The following UBR3 variants were observed in gnomAD, a reference collection of about 807,000 sequenced individuals.
UBR3 encodes ubiquitin protein ligase E3 component n-recognin 3.
In UBR3, 85 loss-of-function variants were observed where a neutral mutation model predicts 243.2. That is an observed-to-expected ratio of 0.35 (90% CI 0.29 to 0.42). The LOEUF (loss-of-function observed/expected upper bound fraction) is 0.42, where lower values mean the gene tolerates loss of function less well. Among genes scored for constraint, UBR3 ranks in the 10% least tolerant of loss-of-function variants. The pLI is 1.00. For synonymous variants in UBR3, 748 were observed against 799.8 expected (o/e 0.94, Z 1.09); for missense variants, 1,686 against 2,300.8 (o/e 0.73, Z 5.47).
chr2:169,840,375 C>T (rs529242829), intron 1 of UBR3, among the ~76,000 whole-genome samples: 31 of 152,300 alleles, frequency 2.0e-4, no homozygotes, highest in South Asian at 6.2e-4. Flanking sequence ...ACTAAAGTGG[C>T]GGTATCTGAC....
At chr2:169,830,428 A>T (rs1001855150) in intron 1 of UBR3, among the ~76,000 whole-genome samples, 3 of 152,094 alleles carry the variant, frequency 2.0e-5, no homozygotes, top group African/African-American at 7.2e-5. Context: ...GTTTTATGTG[A>T]TTTAACTTAT....
At chr2:169,891,056 T>C (rs2084355851) in intron 5 of UBR3, 109 bp from the exon 6 acceptor site, 1 of 625,218 alleles carries the variant, frequency 1.6e-6, no homozygotes, top group African/African-American at 1.8e-5. Flanking sequence ...TGATTAGTAG[T>C]ATGTAAGCAT....
At chr2:170,020,588 A>G (rs2090363052) in intron 30 of UBR3, among the ~76,000 whole-genome samples, 1 of 152,208 alleles carries the variant, frequency 6.6e-6, no homozygotes, top group Non-Finnish European at 1.5e-5. Flanking sequence ...GTTACATGCA[A>G]AGCTCAAATC....
intron 5 of UBR3, among the ~76,000 whole-genome samples, chr2:169,885,754 TTCTTG>T (rs2084069401): frequency 6.6e-6 from 1 of 151,734 alleles, no homozygotes; most frequent in South Asian, 2.1e-4. Flanking sequence ...GCTTTGAATA[TTCTTG>T]TCTTTATTCA....
intron 30 of UBR3, among the ~76,000 whole-genome samples, chr2:170,028,685 T>TA (rs1293927460): frequency 1.4e-4 from 4 of 27,768 alleles, no homozygotes; most frequent in Admixed American, 5.6e-4. Flanking sequence ...AAGCAATACT[T>TA]AGGGTTTTTT....
At chr2:170,001,939 A>AAAAG (rs1432466739) in intron 27 of UBR3, among the ~76,000 whole-genome samples, 7,593 of 113,612 alleles carry the variant, frequency 0.067, 215 homozygotes, top group East Asian at 0.15. Flanking sequence ...AAAAAAAAAA[A>AAAAG]AAAGAAAGAA....
chr2:169,829,061 G>C (rs1215700327), intron 1 of UBR3, among the ~76,000 whole-genome samples: 1 of 152,242 alleles, frequency 6.6e-6, no homozygotes, highest in Non-Finnish European at 1.5e-5. Flanking sequence ...AGCAACTACA[G>C]GTTGCTATCA....
chr2:169,890,591 A>ATGTGTG (rs1491405043), intron 5 of UBR3, among the ~76,000 whole-genome samples: 1 of 102,134 alleles, frequency 9.8e-6, no homozygotes, highest in African/African-American at 3.7e-5. Context: ...GTATATATAT[A>ATGTGTG]TGTATATATA....
At chr2:169,883,919 G>C (rs1003338672) in intron 5 of UBR3, among the ~76,000 whole-genome samples, 1 of 150,198 alleles carries the variant, frequency 6.7e-6, no homozygotes, top group Admixed American at 6.6e-5. Context: ...CTGAACCTCT[G>C]CTTCCCAGGT....
At chr2:170,015,014 G>T in intron 29 of UBR3, 1 of 266,690 alleles carries the variant, frequency 3.7e-6, no homozygotes, top group Non-Finnish European at 7.0e-6. Context: ...TATGTGCCAA[G>T]AGTTGGGACT....
At chr2:170,032,512 C>T (rs1278305665) in intron 31 of UBR3, among the ~76,000 whole-genome samples, 2 of 149,020 alleles carry the variant, frequency 1.3e-5, no homozygotes, top group Non-Finnish European at 3.0e-5. Context: ...CGTTTAGTTG[C>T]CATGTCTCTT....
intron 1 of UBR3, among the ~76,000 whole-genome samples, chr2:169,832,649 T>TG (rs1185089472): frequency 6.8e-6 from 1 of 146,912 alleles, no homozygotes; most frequent in African/African-American, 2.5e-5. Context: ...AAATGCTTTA[T>TG]GGGGGCCGGG....
chr2:170,022,159 G>A (rs1287355449), intron 30 of UBR3, among the ~76,000 whole-genome samples: 1 of 152,118 alleles, frequency 6.6e-6, no homozygotes, highest in Non-Finnish European at 1.5e-5. Flanking sequence ...ATCATCCCAA[G>A]CTCTGTCGGA....
chr2:169,956,924 A>G (rs1358510180), intron 23 of UBR3, among the ~76,000 whole-genome samples: 1 of 151,928 alleles, frequency 6.6e-6, no homozygotes, highest in Non-Finnish European at 1.5e-5. Context: ...GATATAATAA[A>G]TGGTCATTAA....
At chr2:169,960,749 C>A (rs1314237866) in intron 24 of UBR3, among the ~76,000 whole-genome samples, 1 of 151,974 alleles carries the variant, frequency 6.6e-6, no homozygotes, top group Non-Finnish European at 1.5e-5. Context: ...GTCAAAGTTG[C>A]TGACATTTTG....
chr2:169,847,879 A>G (rs180970901), intron 1 of UBR3, among the ~76,000 whole-genome samples: 1 of 152,102 alleles, frequency 6.6e-6, no homozygotes, highest in East Asian at 1.9e-4. Flanking sequence ...TTATGTGCTA[A>G]TTAGTACTCT....
intron 8 of UBR3, among the ~76,000 whole-genome samples, chr2:169,900,487 T>G (rs1284511035): frequency 6.6e-6 from 1 of 152,238 alleles, no homozygotes; most frequent in Non-Finnish European, 1.5e-5. Context: ...GCAGAAGCTC[T>G]TTAGTTTAAT....
In UBR3 at chr2:169,872,247, G is replaced by T; in HGVS notation, c.557G>T (p.Arg186Met). ...NVMRESGFCKRHQIKSSSNIP... is the reference protein window; with the variant it reads ...NVMRESGFCKMHQIKSSSNIP... ...TTTTCATATTACAGGTTTTGCAAAA[G>T]GCATCAAATTAAATCAAGTTCAAAT... The change falls in exon 2 of 39, where the codon AGG (arginine) becomes ATG (methionine). Residue 186 changes from arginine (R) to methionine (M), a missense_variant. Coordinates refer to ENST00000272793, the MANE Select transcript of UBR3 (RefSeq NM_172070.4). 1 of 1,519,026 alleles carries T rather than the reference G, an allele frequency of 6.6e-7. No individual in the cohort carries two copies. Among genetic ancestry groups the T allele is most frequent in the East Asian group, 2.5e-5 (1 of 39,936 alleles). 94.1% of individuals were successfully genotyped at this position (1,519,026 alleles called of 1,614,324 possible).
At chr2:170,048,784 T>A (rs78883607) in intron 32 of UBR3, among the ~76,000 whole-genome samples, 137 of 152,350 alleles carry the variant, frequency 9.0e-4, no homozygotes, top group African/African-American at 3.1e-3. Context: ...ATGCTGAGGT[T>A]ACTAAGATCT....
Sources: allele counts gnomAD v4.1 joint callset (sites outside exome capture counted in the v4.1 genomes callset), GRCh38; gene constraint gnomAD v4.1.1; transcripts MANE v1.5; gene names NCBI Gene and HGNC (gene_info 2026-07-23, HGNC 2026-07-21).